The following PRKN variants were observed in gnomAD, a reference collection of about 807,000 sequenced individuals.
PRKN encodes the protein E3 ubiquitin-protein ligase parkin.
PRKN carries 56 observed loss-of-function variants against 59.5 expected under a neutral mutation model. The observed-to-expected ratio is 0.94, with a 90% CI of 0.76 to 1.18. The LOEUF (loss-of-function observed/expected upper bound fraction) is 1.18. Ranked by LOEUF, PRKN falls within the 50% of genes most tolerant of loss-of-function variation. The pLI is 0.00. For missense variants in PRKN, 657 were observed against 596.4 expected (o/e 1.10, Z -1.06); for synonymous variants, 250 against 222.1 (o/e 1.13, Z -1.12).
In PRKN at chr6:161,461,414, T is replaced by C. The variant is rs1179018139; in HGVS notation, c.1084-74537A>G. Among the ~76,000 whole-genome samples, 1 of 151,980 alleles carries C rather than the reference T, an allele frequency of 6.6e-6. No homozygotes were observed. Among genetic ancestry groups the C allele is most frequent in the Non-Finnish European group, 1.5e-5 (1 of 68,010 alleles). On this transcript the variant is annotated intron_variant, in intron 9 of 11. Coordinates refer to ENST00000366898, the MANE Select transcript of PRKN (RefSeq NM_004562.3). This position sits in a 1 kb window ranked among gnomAD's most constrained non-coding sequence, Gnocchi z 5.1. ...TTTTAAGCTCTAGGGAATCACTTTA[T>C]GGGGGGTGTTATGAGCATATTTTAT...
intron 5 of PRKN, among the ~76,000 whole-genome samples, chr6:162,032,886 G>A (rs929542369): frequency 1.3e-5 from 2 of 152,118 alleles, no homozygotes; most frequent in Admixed American, 1.3e-4. Flanking sequence ...AGATAAATAT[G>A]ACAAAACAAA....
chr6:161,377,485 G>A lies in PRKN; in HGVS notation c.1167+9309C>T, dbSNP rs1158078298. Among the ~76,000 whole-genome samples, 1 of 152,216 alleles carries A rather than the reference G, an allele frequency of 6.6e-6. No individual in the cohort carries two copies. The highest frequency in any genetic ancestry group is 1.9e-4 in the East Asian group (1 of 5,180). ...CACAATTGAGTTAGCTTAACATACGGCTGCAAGCCAAAAATGCACTGTCGC... is the reference window on the plus strand; with the variant it reads ...CACAATTGAGTTAGCTTAACATACGACTGCAAGCCAAAAATGCACTGTCGC... On this transcript the variant is annotated intron_variant, in intron 10 of 11. Transcript: ENST00000366898. This position sits in a 1 kb window ranked among gnomAD's most constrained non-coding sequence, Gnocchi z 4.2.
intron 6 of PRKN, among the ~76,000 whole-genome samples, chr6:161,901,504 A>T (rs998529322): frequency 6.6e-6 from 1 of 152,122 alleles, no homozygotes; most frequent in African/African-American, 2.4e-5. Context: ...AGCTGCCAAG[A>T]CAACACACCT....
chr6:161,963,833 T>C (rs11961293), intron 6 of PRKN, among the ~76,000 whole-genome samples: 5,768 of 152,264 alleles, frequency 0.038, 361 homozygotes, highest in African/African-American at 0.13. Context: ...CTGGCCACGG[T>C]AGGGAGGACC....
chr6:162,226,597 A>G (rs1778189678), intron 3 of PRKN, among the ~76,000 whole-genome samples: 1 of 152,142 alleles, frequency 6.6e-6, no homozygotes, highest in African/African-American at 2.4e-5. Flanking sequence ...GCAGTGCTGC[A>G]ATCTTGGCTT....
intron 1 of PRKN, among the ~76,000 whole-genome samples, chr6:162,589,909 A>G (rs962525954): frequency 1.3e-5 from 2 of 152,210 alleles, no homozygotes; most frequent in African/African-American, 2.4e-5. Context: ...CTGGCACAGT[A>G]TTGTGCACAC....
intron 6 of PRKN, among the ~76,000 whole-genome samples, chr6:161,923,004 C>T (rs1163017443): frequency 6.6e-6 from 1 of 152,228 alleles, no homozygotes; most frequent in East Asian, 1.9e-4. Context: ...CCTATGGACA[C>T]CAGGTCACAG....
At chr6:162,233,113 C>A (rs577167235) in intron 3 of PRKN, among the ~76,000 whole-genome samples, 3 of 152,218 alleles carry the variant, frequency 2.0e-5, no homozygotes, top group South Asian at 4.1e-4. Context: ...CCTATAGTCA[C>A]CCTTGTGTAC....
rs538927999 is a variant in PRKN at position 161,422,838 on chromosome 6, G to A, written c.1084-35961C>T. On this transcript the variant is annotated intron_variant, in intron 9 of 11. Transcript: ENST00000366898. Reference sequence around the variant, plus strand: ...TCTTCTAGGCTGGTAATTTCCCAGTGCCCTGACCTTGCATTCCAGACTTCA... The same window carrying A: ...TCTTCTAGGCTGGTAATTTCCCAGTACCCTGACCTTGCATTCCAGACTTCA... 9.9e-5 allele frequency among the ~76,000 whole-genome samples: 15 copies of A among 152,250 alleles called. No homozygotes were observed. In the South Asian group the frequency reaches 2.5e-3, roughly 25 times the overall value.
chr6:162,518,792 A>G (rs1777970774), intron 1 of PRKN, among the ~76,000 whole-genome samples: 1 of 152,232 alleles, frequency 6.6e-6, no homozygotes, highest in Admixed American at 6.5e-5. Context: ...AAACACAGCT[A>G]CATAATTTGA....
In PRKN at chr6:161,729,730, G is replaced by C. The variant is rs139855294; in HGVS notation, c.871+56042C>G. On this transcript the variant is annotated intron_variant, in intron 7 of 11. Transcript: ENST00000366898. ...AATATGTTCAAGATGAAACTTGTGAGGACTTCATTCTAAGGCTTTTGCTTT... is the reference window on the plus strand; with the variant it reads ...AATATGTTCAAGATGAAACTTGTGACGACTTCATTCTAAGGCTTTTGCTTT... 9.2e-4 allele frequency among the ~76,000 whole-genome samples: 140 copies of C among 152,328 alleles called. No homozygotes were observed. The South Asian group carries it at 0.018, about 20-fold the overall frequency.
At chr6:161,693,235 A>G (rs1785876640) in intron 7 of PRKN, among the ~76,000 whole-genome samples, 2 of 152,210 alleles carry the variant, frequency 1.3e-5, no homozygotes, top group East Asian at 1.9e-4. Context: ...CAATACCAAC[A>G]TAGATCTCTT....
At chr6:162,556,333 T>G (rs1442122893) in intron 1 of PRKN, among the ~76,000 whole-genome samples, 2 of 102,110 alleles carry the variant, frequency 2.0e-5, no homozygotes, top group African/African-American at 4.1e-5. Flanking sequence ...AAGCAGTAAC[T>G]ACTCAGCTGG....
intron 1 of PRKN, among the ~76,000 whole-genome samples, chr6:162,581,075 G>A (rs1330459692): frequency 6.6e-6 from 1 of 152,106 alleles, no homozygotes; most frequent in Non-Finnish European, 1.5e-5. Context: ...GGTTCAATGA[G>A]GGTGTCACCA....
At chr6:162,401,167 AATAT>A (rs1206894568) in intron 2 of PRKN, among the ~76,000 whole-genome samples, 1 of 152,078 alleles carries the variant, frequency 6.6e-6, no homozygotes. Flanking sequence ...ACTACGATTA[AATAT>A]ATATAAACAA....
chr6:162,132,019 A>G lies in PRKN; in HGVS notation c.534+69112T>C, dbSNP rs116191170. 2.3e-3 allele frequency among the ~76,000 whole-genome samples: 357 copies of G among 152,338 alleles called. 3 individuals carry two copies. The highest frequency in any genetic ancestry group is 7.8e-3 in the African/African-American group (326 of 41,578). On this transcript the variant is annotated intron_variant, in intron 4 of 11. Transcript: ENST00000366898. ...ACTGATCACTTACAGATAACATGCC[A>G]TGACAGCTCATAGGATAAAGCATTA...
chr6:162,356,218 C>T (rs867650907), intron 2 of PRKN, among the ~76,000 whole-genome samples: 3 of 152,122 alleles, frequency 2.0e-5, no homozygotes, highest in African/African-American at 2.4e-5. Context: ...AAATTGACTA[C>T]GTAATGTAGA....
At chr6:161,802,354 C>T (rs1791117465) in intron 6 of PRKN, among the ~76,000 whole-genome samples, 1 of 151,914 alleles carries the variant, frequency 6.6e-6, no homozygotes, top group Non-Finnish European at 1.5e-5. Flanking sequence ...GTGATCCAGG[C>T]TCAGTGAACT....
At chr6:162,184,622 C>T (rs186398137) in intron 4 of PRKN, among the ~76,000 whole-genome samples, 167 of 152,272 alleles carry the variant, frequency 1.1e-3, no homozygotes, top group African/African-American at 3.9e-3. Context: ...CCTCCCTAGC[C>T]ATGCGGAACT....
Sources: gnomAD v4.1 joint callset for allele counts (sites outside exome capture counted in the v4.1 genomes callset) on GRCh38, gnomAD v4.1.1 for gene constraint, Gnocchi (gnomAD v3.1) non-coding constraint, MANE v1.5 for transcripts, NCBI Gene and HGNC (gene_info 2026-07-23, HGNC 2026-07-21) for gene names.